VWF: variants seen among roughly 807,000 people sequenced by gnomAD.
VWF encodes Factor VIII related antigen.
VWF carries 176 observed loss-of-function variants against 308.6 expected under a neutral mutation model. The observed-to-expected ratio is 0.57, with a 90% CI of 0.50 to 0.65. VWF has a LOEUF of 0.65. Among genes scored for constraint, VWF ranks in the 30% least tolerant of loss-of-function variants. VWF has a pLI of 0.00. For synonymous variants in VWF, 1,385 were observed against 1,443.4 expected (o/e 0.96, Z 0.92); for missense variants, 3,146 against 3,648.2 (o/e 0.86, Z 3.55).
At chr12:5,983,317 G>C (rs1032284752) in intron 40 of VWF, 63 bp from the exon 41 acceptor site, 12 of 1,502,854 alleles carry the variant, frequency 8.0e-6, no homozygotes, top group Admixed American at 1.9e-5. Flanking sequence ...TATTACCTGT[G>C]AGTGGGATGC....
chr12:6,090,994 C>T (rs573718880), intron 6 of VWF, among the ~76,000 whole-genome samples: 7 of 152,288 alleles, frequency 4.6e-5, no homozygotes, highest in Non-Finnish European at 8.8e-5. Flanking sequence ...GAACTCAGTC[C>T]GCCTTTGTTA....
chr12:5,998,302 T>C (rs945149244), intron 34 of VWF, among the ~76,000 whole-genome samples: 19 of 150,424 alleles, frequency 1.3e-4, no homozygotes, highest in African/African-American at 4.6e-4. Context: ...ATCGAGACCA[T>C]CCTGGCTAAC....
intron 21 of VWF, 40 bp downstream of exon 21, chr12:6,031,404 A>G (rs761778898): frequency 5.3e-5 from 85 of 1,614,062 alleles, no homozygotes; most frequent in Non-Finnish European, 6.6e-5. Context: ...TGGCAGAAGC[A>G]CAAAGCGGGA....
At chr12:6,100,967 A>C (rs1565389867) in intron 5 of VWF, among the ~76,000 whole-genome samples, 1 of 152,216 alleles carries the variant, frequency 6.6e-6, no homozygotes, top group Non-Finnish European at 1.5e-5. Context: ...TTTCTATATA[A>C]AGGTTATAAA....
chr12:6,106,213 C>T (rs1248675453), intron 5 of VWF, among the ~76,000 whole-genome samples: 12 of 151,632 alleles, frequency 7.9e-5, no homozygotes, highest in Non-Finnish European at 1.5e-4. Flanking sequence ...AATTTTTTTT[C>T]TTTTCCTCAA....
rs181987927 is a variant in VWF, at chr12:5,991,940, G to A, written c.6677C>T (p.Ser2226Phe). The change falls in exon 38 of 52, where the codon TCC (serine) becomes TTC (phenylalanine). Residue 2226 changes from serine (S) to phenylalanine (F), a missense_variant. Ser to Phe is a radical substitution (Grantham distance 155, BLOSUM62 -2). Around this residue, in one of 3 missense-constraint regions of VWF, gnomAD observed 989 missense variants for 1,117.4 expected, o/e 0.89. Coordinates refer to ENST00000261405, the MANE Select transcript of VWF (RefSeq NM_000552.5). ...GCCTTCGGAGGGATGGTCCCCACAG[G>A]AGCTCACGTTGCCATCACAGTGCCG... is the stretch of plus-strand genomic sequence containing the variant. ...CPRHCDGNVSSCGDHPSEGCF... is the reference protein window; with the variant it reads ...CPRHCDGNVSFCGDHPSEGCF... 6.2e-7 allele frequency: 1 copy of A among 1,614,214 alleles called. No individual in the cohort carries two copies. Among genetic ancestry groups the A allele is most frequent in the South Asian group, 1.1e-5 (1 of 91,078 alleles).
chr12:5,985,013 C>T (rs530561697), intron 40 of VWF, 32 bp downstream of exon 40: 12 of 1,611,140 alleles, frequency 7.4e-6, no homozygotes, highest in East Asian at 2.2e-5. Context: ...TAGGGTTGGG[C>T]CCTGGAGACA....
chr12:6,011,578 C>T (rs1943994013), intron 34 of VWF, 39 bp downstream of exon 34: 1 of 1,552,976 alleles, frequency 6.4e-7, no homozygotes, highest in South Asian at 1.2e-5. Context: ...AAGCACTGCC[C>T]CTTTGACGCT....
chr12:5,993,889 C>A lies in VWF; in HGVS notation c.6571G>T (p.Val2191Phe). Reference sequence around the variant, plus strand: ...CAGAAATCAGGTGTCCTCCAGTCAACGCAGACCCCGTTGGTCCGACAGAGG... The same window carrying A: ...CAGAAATCAGGTGTCCTCCAGTCAAAGCAGACCCCGTTGGTCCGACAGAGG... ...AHLCRTNGVC[V>F]DWRTPDFCAM... The change falls in exon 37 of 52, where the codon GTT becomes TTT. Residue 2191 changes from valine to phenylalanine, a missense_variant. By Grantham distance (50) the Val-to-Phe change is conservative. Around this residue, in one of 3 missense-constraint regions of VWF, gnomAD observed 989 missense variants for 1,117.4 expected, o/e 0.89. Transcript: ENST00000261405. 1 of 1,613,640 alleles carries A rather than the reference C, an allele frequency of 6.2e-7. No homozygotes were observed. The highest frequency in any genetic ancestry group is 1.3e-5 in the African/African-American group (1 of 74,992).
intron 22 of VWF, among the ~76,000 whole-genome samples, chr12:6,028,000 C>G (rs1944215148): frequency 6.6e-6 from 1 of 152,132 alleles, no homozygotes; most frequent in Non-Finnish European, 1.5e-5. Context: ...TTAATGCTTT[C>G]TGGGACTGAG....
At chr12:6,042,582 C>T (rs974763538) in intron 18 of VWF, among the ~76,000 whole-genome samples, 2 of 152,218 alleles carry the variant, frequency 1.3e-5, no homozygotes, top group Non-Finnish European at 2.9e-5. Context: ...GAATCTCTTA[C>T]AATATGAACC....
rs181987927 is a variant in VWF, at chr12:5,991,940, G to T, written c.6677C>A (p.Ser2226Tyr). The T allele has an allele frequency of 5.2e-5, 84 of 1,614,214 alleles. No homozygotes were observed. The highest frequency in any genetic ancestry group is 6.7e-5 in the African/African-American group (5 of 75,062). The change falls in exon 38 of 52, where the codon TCC (serine) becomes TAC (tyrosine). Residue 2226 changes from serine to tyrosine, a missense_variant. Around this residue, in one of 3 missense-constraint regions of VWF, gnomAD observed 989 missense variants for 1,117.4 expected, o/e 0.89. Transcript: ENST00000261405. ...GCCTTCGGAGGGATGGTCCCCACAG[G>T]AGCTCACGTTGCCATCACAGTGCCG... ...CPRHCDGNVSSCGDHPSEGCF... is the reference protein window; with the variant it reads ...CPRHCDGNVSYCGDHPSEGCF...
intron 18 of VWF, among the ~76,000 whole-genome samples, chr12:6,043,411 G>C (rs1434203534): frequency 6.6e-6 from 1 of 152,160 alleles, no homozygotes; most frequent in Non-Finnish European, 1.5e-5. Context: ...CCATCTGAGA[G>C]CCACCCTCTC....
At chr12:5,993,754 CA>C (rs1414076023) in intron 37 of VWF, 107 bp downstream of exon 37, 2 of 993,690 alleles carry the variant, frequency 2.0e-6, no homozygotes, top group African/African-American at 3.2e-5. Flanking sequence ...ATACGAAATA[CA>C]GGGATTTTCA....
In VWF at chr12:5,985,736, A is replaced by G. The variant is rs562597904; in HGVS notation, c.6799-71T>C. On this transcript the variant is annotated intron_variant, in intron 38 of 51. Transcript: ENST00000261405. The stretch of plus-strand genomic sequence containing the variant: ...ACGAAGCCCAGAATTCACAGAGGTC[A>G]GCTCTCCCTGCCTCCGGCAAGGGCC... The G allele has an allele frequency of 1.3e-4, 191 of 1,450,578 alleles. 1 individual carries two copies. In the African/African-American group the frequency reaches 2.4e-3, roughly 18 times the overall value. 89.9% of individuals were successfully genotyped at this position (1,450,578 alleles called of 1,614,324 possible).
In VWF at chr12:6,026,010, T is replaced by A; in HGVS notation, c.3004A>T (p.Ile1002Phe). 1 of 1,613,978 alleles carries A rather than the reference T, an allele frequency of 6.2e-7. No individual in the cohort carries two copies. The highest frequency in any genetic ancestry group is 8.5e-7 in the Non-Finnish European group (1 of 1,179,868). Residue 1002 changes from isoleucine (I) to phenylalanine (F), a missense_variant, in exon 23 of 52, where the codon ATC (isoleucine) becomes TTC (phenylalanine). Transcript: ENST00000261405. ...VCGLCGNFDG[I>F]QNNDLTSSNL... The stretch of plus-strand genomic sequence containing the variant: ...CTGCTGGTGAGGTCATTGTTCTGGA[T>A]GCCATCAAAATTCCCACACAGGCCA...
At chr12:6,052,844 C>A in intron 15 of VWF, 61 bp from the exon 16 acceptor site, 1 of 1,575,014 alleles carries the variant, frequency 6.3e-7, no homozygotes, top group South Asian at 1.2e-5. Context: ...GACTGTGGTT[C>A]TAGGACTTGC....
chr12:6,065,359 G>T, intron 10 of VWF, 86 bp from the exon 11 acceptor site: 3 of 1,563,198 alleles, frequency 1.9e-6, no homozygotes, highest in East Asian at 2.3e-5. Context: ...ATGCAAGCAG[G>T]GTGCCCTTCC....
At chr12:6,044,172 C>A in intron 18 of VWF, 119 bp downstream of exon 18, 3 of 1,311,174 alleles carry the variant, frequency 2.3e-6, no homozygotes, top group Non-Finnish European at 3.1e-6. Flanking sequence ...AGCACCACCT[C>A]CATTGCTATC....
Sources: gnomAD v4.1 joint callset for allele counts (sites outside exome capture counted in the v4.1 genomes callset) on GRCh38, gnomAD v4.1.1 for gene constraint, gnomAD v4.1.1 regional missense constraint, MANE v1.5 for transcripts, NCBI Gene and HGNC (gene_info 2026-07-23, HGNC 2026-07-21) for gene names.